MBP: variants seen among roughly 807,000 people sequenced by gnomAD.
The protein encoded by MBP is Golli-MBP.
MBP carries 16 observed loss-of-function variants against 35.8 expected under a neutral mutation model. The observed-to-expected ratio is 0.45, with a 90% CI of 0.30 to 0.68. The LOEUF is 0.68. Among genes scored for constraint, MBP ranks in the 30% least tolerant of loss-of-function variants. The probability of loss-of-function intolerance (pLI) is 0.08; values close to 1 mark genes in which losing one functional copy is unlikely to be tolerated. For synonymous variants in MBP, 143 were observed against 159.6 expected (o/e 0.90, Z 0.78); for missense variants, 380 against 404.7 (o/e 0.94, Z 0.52).
chr18:76,993,145 A>G (rs1262626071), intron 4 of MBP, among the ~76,000 whole-genome samples: 3 of 152,176 alleles, frequency 2.0e-5, no homozygotes, highest in African/African-American at 7.2e-5. Flanking sequence ...GGGCCTCATT[A>G]CTTCCCAACT....
intron 1 of MBP, chr18:77,115,598 G>C (rs1976635911): frequency 6.6e-6 from 1 of 152,202 alleles, no homozygotes; most frequent in African/African-American, 2.4e-5. Flanking sequence ...AGAAAACCTG[G>C]ATCAGAGCCC....
chr18:77,070,266 C>T (rs566934719), intron 2 of MBP, among the ~76,000 whole-genome samples: 25 of 152,296 alleles, frequency 1.6e-4, no homozygotes, highest in Middle Eastern at 3.4e-3. Flanking sequence ...TGAGTCCAAA[C>T]GGAACCTGTG....
At position 77,012,477 on chromosome 18, in the gene MBP, C is replaced by T. The variant is rs879544593; in HGVS notation, c.576+4355G>A. Among the ~76,000 whole-genome samples, 9 of 152,172 alleles carry T rather than the reference C, an allele frequency of 5.9e-5. No homozygotes were observed. In the South Asian group the frequency reaches 6.2e-4, roughly 10 times the overall value. ...AGTCACCATAGAAAGACCAGAACAC[C>T]GAACTGTCAGGGGAGAGAAGACAGT... is the stretch of plus-strand genomic sequence containing the variant. On this transcript the variant is annotated intron_variant, in intron 4 of 8. Transcript: ENST00000355994.
intron 4 of MBP, chr18:77,009,838 C>CAA: frequency 6.4e-7 from 1 of 1,571,066 alleles, no homozygotes; most frequent in Non-Finnish European, 8.6e-7. Flanking sequence ...GAGGACCCGC[C>CAA]GGCGTCTTAC....
chr18:77,058,780 C>T (rs894470594), intron 3 of MBP, among the ~76,000 whole-genome samples: 12 of 152,252 alleles, frequency 7.9e-5, no homozygotes, highest in African/African-American at 2.7e-4. Flanking sequence ...GATGGGGGCT[C>T]CTCGGCCGGC....
chr18:76,985,606 A>C (rs900068279), intron 7 of MBP: 1 of 1,066,290 alleles, frequency 9.4e-7, no homozygotes, highest in Non-Finnish European at 1.1e-6. Context: ...CAGAGGGAGG[A>C]GGCAGGCCTG....
chr18:77,083,708 G>A (rs1010399291), intron 2 of MBP, among the ~76,000 whole-genome samples: 1 of 152,182 alleles, frequency 6.6e-6, no homozygotes, highest in Non-Finnish European at 1.5e-5. Flanking sequence ...CTGTAACATG[G>A]ATGAATCCTG....
intron 4 of MBP, chr18:77,016,422 A>T: frequency 9.8e-7 from 1 of 1,016,566 alleles, no homozygotes; most frequent in Non-Finnish European, 1.2e-6. Flanking sequence ...ACTCCAGGAA[A>T]AAACGAGCAT....
chr18:77,034,516 G>A (rs1314246124), intron 3 of MBP, among the ~76,000 whole-genome samples: 3 of 152,136 alleles, frequency 2.0e-5, no homozygotes, highest in African/African-American at 7.2e-5. Context: ...TCATAAACCT[G>A]TTTCAAGCTG....
chr18:77,058,249 C>T (rs545116091), intron 3 of MBP, among the ~76,000 whole-genome samples: 1 of 152,196 alleles, frequency 6.6e-6, no homozygotes, highest in South Asian at 2.1e-4. Flanking sequence ...TGCGGGGATG[C>T]GGGGATGCCG....
chr18:76,991,250 A>T (rs546443643), intron 4 of MBP, among the ~76,000 whole-genome samples: 1 of 152,260 alleles, frequency 6.6e-6, no homozygotes, highest in Admixed American at 6.5e-5. Flanking sequence ...GCTGGGCATG[A>T]GTGCCCAGGG....
chr18:77,059,983 A>G (rs545844169), intron 3 of MBP, among the ~76,000 whole-genome samples: 47 of 152,344 alleles, frequency 3.1e-4, no homozygotes, highest in Admixed American at 2.0e-3. Context: ...CCCTCCAGGC[A>G]AGACGGAATA....
intron 2 of MBP, chr18:77,097,309 G>T (rs1975798835): frequency 6.6e-6 from 1 of 152,314 alleles, no homozygotes; most frequent in African/African-American, 2.4e-5. Context: ...AGCTCTTCCT[G>T]TTGTGGACAA....
chr18:77,112,299 G>A (rs999848255), intron 1 of MBP, among the ~76,000 whole-genome samples: 2 of 152,166 alleles, frequency 1.3e-5, no homozygotes, highest in Admixed American at 6.5e-5. Flanking sequence ...TGTGGGATGC[G>A]CGCTGCACAC....
chr18:77,060,569 G>T (rs1007061842), intron 3 of MBP, among the ~76,000 whole-genome samples: 1 of 150,006 alleles, frequency 6.7e-6, no homozygotes, highest in African/African-American at 2.5e-5. Context: ...TTCTGCCTCA[G>T]CCTTCCAAGT....
intron 1 of MBP, among the ~76,000 whole-genome samples, chr18:77,130,769 A>G (rs1035479253): frequency 2.6e-5 from 4 of 151,846 alleles, no homozygotes; most frequent in South Asian, 2.1e-4. Context: ...ACCAAACTCA[A>G]ACCCGACGTT....
chr18:77,013,833 CT>C, intron 4 of MBP: 1 of 985,432 alleles, frequency 1.0e-6, no homozygotes, highest in Non-Finnish European at 1.2e-6. Context: ...GCTTAGGTGT[CT>C]TGTGAAACCT....
intron 1 of MBP, among the ~76,000 whole-genome samples, chr18:77,106,445 G>A (rs1050429754): frequency 2.0e-5 from 3 of 152,098 alleles, no homozygotes; most frequent in African/African-American, 4.8e-5. Flanking sequence ...AGAAGCAAAC[G>A]CCTACAGCAC....
At chr18:77,062,582 C>G (rs1378815750) in intron 3 of MBP, among the ~76,000 whole-genome samples, 1 of 150,786 alleles carries the variant, frequency 6.6e-6, no homozygotes, top group African/African-American at 2.4e-5. Context: ...AGATTGAAAA[C>G]AATCCTTTGG....
Sources: gnomAD v4.1 joint callset for allele counts (sites outside exome capture counted in the v4.1 genomes callset) on GRCh38, gnomAD v4.1.1 for gene constraint, MANE v1.5 for transcripts, NCBI Gene and HGNC (gene_info 2026-07-23, HGNC 2026-07-21) for gene names.